The following CEP89 variants were observed in gnomAD, a reference collection of about 807,000 sequenced individuals.
CEP89 encodes the protein centrosomal protein 89.
In CEP89, 95 loss-of-function variants were observed where a neutral mutation model predicts 97.6. The observed-to-expected ratio is 0.97, with a 90% CI of 0.82 to 1.15. The LOEUF (loss-of-function observed/expected upper bound fraction) is 1.15, where lower values mean the gene tolerates loss of function less well. Ranked by LOEUF, CEP89 falls within the 50% of genes most tolerant of loss-of-function variation. CEP89 has a pLI of 0.00. For missense variants in CEP89, 869 were observed against 947.7 expected, an observed-to-expected ratio of 0.92 and a Z score of 1.09; for synonymous variants, 354 against 349.1, an observed-to-expected ratio of 1.01 and a Z score of -0.16.
rs545287743 is a variant in CEP89 at position 32,922,883 on chromosome 19, G to A, written c.1268+556C>T. 3.3e-5 allele frequency among the ~76,000 whole-genome samples: 5 copies of A among 152,052 alleles called. No individual in the cohort carries two copies. The South Asian group carries it at 1.0e-3, about 32-fold the overall frequency. ...AAAGAAAAGAAACAGAGACAAGGGA[G>A]CAATAATGGCCTCTCCTGAAGGCAG... On this transcript the variant is annotated intron_variant, in intron 12 of 18. Transcript: ENST00000305768.
At chr19:32,920,943 T>G (rs1367222956) in intron 12 of CEP89, among the ~76,000 whole-genome samples, 1 of 151,200 alleles carries the variant, frequency 6.6e-6, no homozygotes, top group East Asian at 2.0e-4. Flanking sequence ...CTGGGCCAGG[T>G]GCGGTGGCTC....
intron 18 of CEP89, among the ~76,000 whole-genome samples, chr19:32,880,641 A>T (rs1263214893): frequency 5.4e-4 from 4 of 7,344 alleles, no homozygotes; most frequent in East Asian, 4.8e-3. Context: ...CTTGTATTTA[A>T]AAAAAAAAAA....
At chr19:32,938,266 C>A (rs1183062491) in intron 6 of CEP89, among the ~76,000 whole-genome samples, 1 of 152,144 alleles carries the variant, frequency 6.6e-6, no homozygotes, top group Non-Finnish European at 1.5e-5. Context: ...GAGTAGCGGG[C>A]TGTGGGCTCA....
intron 16 of CEP89, among the ~76,000 whole-genome samples, chr19:32,893,712 A>C (rs1969581885): frequency 6.6e-6 from 1 of 152,248 alleles, no homozygotes; most frequent in Non-Finnish European, 1.5e-5. Context: ...GAAAGCAATA[A>C]CAAGAGGAAC....
chr19:32,890,356 T>G (rs1378196542), intron 16 of CEP89, among the ~76,000 whole-genome samples: 3 of 152,148 alleles, frequency 2.0e-5, no homozygotes, highest in Non-Finnish European at 2.9e-5. Flanking sequence ...GCCAAGATTG[T>G]GCCACTGCAC....
rs1455977169 is a variant in CEP89 at position 32,902,004 on chromosome 19, C to CTGTGTGTGTGTGTGTGTGTGTGTG, written c.1566-593_1566-592insCACACACACACACACACACACACA. The stretch of plus-strand genomic sequence containing the variant: ...TATGTCTCTGTCTCTCTGTCTCTCT[C>CTGTGTGTGTGTGTGTGTGTGTGTG]TCTCTCTGTGTGTGTGTGTGTGTGT... On this transcript the variant is annotated intron_variant, in intron 14 of 18. Transcript: ENST00000305768. Among the ~76,000 whole-genome samples, 163 of 100,272 alleles carry CTGTGTGTGTGTGTGTGTGTGTGTG rather than the reference C, an allele frequency of 1.6e-3. 1 individual carries two copies. The highest frequency in any genetic ancestry group is 3.8e-3 in the East Asian group (15 of 3,994). 65.8% of individuals were successfully genotyped at this position (100,272 alleles called of 152,430 possible).
At chr19:32,912,967 C>A (rs886632874) in intron 14 of CEP89, among the ~76,000 whole-genome samples, 1 of 151,128 alleles carries the variant, frequency 6.6e-6, no homozygotes, top group African/African-American at 2.4e-5. Context: ...GCGTGAACCC[C>A]GGGGGGCGGA....
At chr19:32,885,483 G>C (rs1969375241) in intron 17 of CEP89, among the ~76,000 whole-genome samples, 1 of 149,578 alleles carries the variant, frequency 6.7e-6, no homozygotes, top group Admixed American at 6.6e-5. Flanking sequence ...ACCAAGCCTG[G>C]CTAATTGCTG....
At chr19:32,900,072 T>C (rs1969732308) in intron 15 of CEP89, 74 bp from the exon 16 acceptor site, 5 of 1,361,650 alleles carry the variant, frequency 3.7e-6, no homozygotes, top group Admixed American at 1.9e-5. Context: ...AATATCTGTA[T>C]TACAAAAACA....
chr19:32,928,483 C>T (rs1755400351), intron 9 of CEP89, among the ~76,000 whole-genome samples: 1 of 151,988 alleles, frequency 6.6e-6, no homozygotes, highest in Non-Finnish European at 1.5e-5. Flanking sequence ...GTAACCTTTC[C>T]TAAAAAGCTC....
chr19:32,947,590 A>G (rs961247112), intron 5 of CEP89, among the ~76,000 whole-genome samples: 1 of 152,142 alleles, frequency 6.6e-6, no homozygotes, highest in Non-Finnish European at 1.5e-5. Context: ...TCCAGGGCTC[A>G]AGCAATCCTC....
rs761795917 is a variant in CEP89 at position 32,901,345 on chromosome 19, G to T, written c.1633C>A (p.Leu545Met). 6.2e-7 allele frequency: 1 copy of T among 1,614,050 alleles called. No individual in the cohort carries two copies. The highest frequency in any genetic ancestry group is 1.3e-5 in the African/African-American group (1 of 74,908). ...MEELMEKLTV[L>M]QAQKKSLLLE... ...AGCAGGCTCTTCTTCTGCGCTTGCA[G>T]GACTGTCAGCTTCTCCATCAACTCC... Residue 545 changes from leucine (L) to methionine (M), a missense_variant, in exon 15 of 19, where the codon CTG becomes ATG. Physicochemically the swap from Leu to Met is conservative, Grantham distance 15. Transcript: ENST00000305768.
intron 15 of CEP89, among the ~76,000 whole-genome samples, chr19:32,900,712 T>C (rs924155086): frequency 9.9e-5 from 15 of 152,202 alleles, no homozygotes; most frequent in African/African-American, 3.6e-4. Context: ...GTTATCAATA[T>C]GACCATCAAC....
chr19:32,948,642 G>A (rs760176951), intron 4 of CEP89, among the ~76,000 whole-genome samples: 5 of 152,134 alleles, frequency 3.3e-5, no homozygotes, highest in Non-Finnish European at 7.4e-5. Flanking sequence ...CAGCCATGTT[G>A]CCAGGGCAGC....
rs1055425170 is a variant in CEP89 at position 32,892,255 on chromosome 19, A to G, written c.1876-4414T>C. ...TATATATATATATGTCTAGTTACATATAAGGAACTCTCATAAGACTAACAG... is the reference window on the plus strand; with the variant it reads ...TATATATATATATGTCTAGTTACATGTAAGGAACTCTCATAAGACTAACAG... On this transcript the variant is annotated intron_variant, in intron 16 of 18. Transcript: ENST00000305768. Among the ~76,000 whole-genome samples, 7 of 144,026 alleles carry G rather than the reference A, an allele frequency of 4.9e-5. No homozygotes were observed. The Admixed American group carries it at 4.9e-4, about 10-fold the overall frequency. 94.5% of individuals were successfully genotyped at this position (144,026 alleles called of 152,430 possible).
intron 7 of CEP89, among the ~76,000 whole-genome samples, chr19:32,935,060 A>C (rs1479631877): frequency 1.3e-5 from 2 of 152,228 alleles, no homozygotes; most frequent in Admixed American, 1.3e-4. Context: ...AACCCACCTG[A>C]CCCAGGCAGC....
At chr19:32,920,640 C>T (rs1970228308) in intron 12 of CEP89, among the ~76,000 whole-genome samples, 1 of 151,962 alleles carries the variant, frequency 6.6e-6, no homozygotes, top group African/African-American at 2.4e-5. Context: ...TGCACCACCA[C>T]ACCTGGCTAT....
chr19:32,931,707 T>G (rs1970477767), intron 8 of CEP89, 136 bp from the exon 9 acceptor site: 1 of 600,850 alleles, frequency 1.7e-6, no homozygotes, highest in Admixed American at 3.7e-5. Flanking sequence ...TGTGTGTCTG[T>G]GTGTGTATGT....
chr19:32,880,783 A>G (rs970846018), intron 18 of CEP89, among the ~76,000 whole-genome samples: 16 of 152,202 alleles, frequency 1.1e-4, no homozygotes, highest in Admixed American at 1.0e-3. Context: ...CTAAACTGAA[A>G]CCAAAGAGGC....
Sources: gnomAD v4.1 joint callset for allele counts (sites outside exome capture counted in the v4.1 genomes callset) on GRCh38, gnomAD v4.1.1 for gene constraint, MANE v1.5 for transcripts, NCBI Gene and HGNC (gene_info 2026-07-23, HGNC 2026-07-21) for gene names.